DRC11: variants seen among roughly 807,000 people sequenced by gnomAD.
DRC11 encodes the protein dynein regulatory complex subunit 11, also known as IQ and AAA domain-containing protein 1.
At chr2:236,351,515 C>G in the DRC11 span, among the ~76,000 whole-genome samples, 3 of 152,160 alleles carry the variant, frequency 2.0e-5, no homozygotes, top group African/African-American at 7.2e-5. This position sits in a 1 kb window ranked among gnomAD's most constrained non-coding sequence, Gnocchi z 7.3. Context: ...GAAAAGTGCA[C>G]GGCCATGCTA....
the DRC11 span, among the ~76,000 whole-genome samples, chr2:236,399,669 C>T: frequency 5.3e-5 from 8 of 152,154 alleles, no homozygotes; most frequent in Admixed American, 1.3e-4. The surrounding 1 kb of genome is among the most constrained non-coding windows in gnomAD (Gnocchi z 7.0). Flanking sequence ...CATGGGTGGT[C>T]CAGGCTCACC....
At chr2:236,386,660 C>T in the DRC11 span, among the ~76,000 whole-genome samples, 1 of 151,830 alleles carries the variant, frequency 6.6e-6, no homozygotes, top group South Asian at 2.1e-4. Context: ...GTCTCTATTT[C>T]CTTCAGTTCT....
chr2:236,308,186 A>G, the DRC11 span, among the ~76,000 whole-genome samples: 3 of 152,268 alleles, frequency 2.0e-5, no homozygotes, highest in Admixed American at 6.5e-5. The surrounding 1 kb of genome is among the most constrained non-coding windows in gnomAD (Gnocchi z 6.0). Context: ...ATTTGCAGAC[A>G]CTGACAATTC....
the DRC11 span, among the ~76,000 whole-genome samples, chr2:236,453,957 T>C: frequency 1.3e-5 from 2 of 152,170 alleles, no homozygotes; most frequent in African/African-American, 2.4e-5. The surrounding 1 kb of genome is among the most constrained non-coding windows in gnomAD (Gnocchi z 4.9). Context: ...TTAATATTTT[T>C]AGTGGTGTCC....
the DRC11 span, among the ~76,000 whole-genome samples, chr2:236,370,777 T>C: frequency 7.4e-5 from 6 of 81,274 alleles, no homozygotes; most frequent in African/African-American, 2.8e-4. The surrounding 1 kb of genome is among the most constrained non-coding windows in gnomAD (Gnocchi z 5.5). Flanking sequence ...AGGGTGGCCA[T>C]GCAGGGGTGC....
chr2:236,429,311 T>C, the DRC11 span, among the ~76,000 whole-genome samples: 3 of 152,190 alleles, frequency 2.0e-5, no homozygotes, highest in Admixed American at 2.0e-4. The surrounding 1 kb of genome is among the most constrained non-coding windows in gnomAD (Gnocchi z 5.9). Context: ...GGCCAGCAGC[T>C]TGCATATGCA....
At chr2:236,413,829 C>G in the DRC11 span, among the ~76,000 whole-genome samples, 3 of 152,166 alleles carry the variant, frequency 2.0e-5, no homozygotes, top group African/African-American at 7.2e-5. This position sits in a 1 kb window ranked among gnomAD's most constrained non-coding sequence, Gnocchi z 4.0. Flanking sequence ...TGAAAAATAA[C>G]AGAGGAAACA....
the DRC11 span, among the ~76,000 whole-genome samples, chr2:236,353,193 T>C: frequency 4.6e-5 from 7 of 152,372 alleles, no homozygotes; most frequent in South Asian, 8.3e-4. The surrounding 1 kb of genome is among the most constrained non-coding windows in gnomAD (Gnocchi z 5.0). Flanking sequence ...TAATTCGTAA[T>C]TGAACTTTCC....
At chr2:236,390,334 CTTCACT>C in the DRC11 span, among the ~76,000 whole-genome samples, 1 of 152,202 alleles carries the variant, frequency 6.6e-6, no homozygotes, top group Non-Finnish European at 1.5e-5. This position sits in a 1 kb window ranked among gnomAD's most constrained non-coding sequence, Gnocchi z 5.9. Flanking sequence ...TTTTCCATCC[CTTCACT>C]TTCAGCCTAT....
At chr2:236,430,039 C>T in the DRC11 span, among the ~76,000 whole-genome samples, 1 of 152,124 alleles carries the variant, frequency 6.6e-6, no homozygotes, top group African/African-American at 2.4e-5. This position sits in a 1 kb window ranked among gnomAD's most constrained non-coding sequence, Gnocchi z 6.0. Flanking sequence ...TTGAGTTCCT[C>T]AGCAGGGGTC....
At chr2:236,323,795 G>T in the DRC11 span, among the ~76,000 whole-genome samples, 8 of 152,220 alleles carry the variant, frequency 5.3e-5, no homozygotes, top group African/African-American at 1.9e-4. The surrounding 1 kb of genome is among the most constrained non-coding windows in gnomAD (Gnocchi z 6.4). Flanking sequence ...CCACAATTTA[G>T]AAGTGGGTTA....
chr2:236,328,816 G>T, the DRC11 span, among the ~76,000 whole-genome samples: 1 of 152,186 alleles, frequency 6.6e-6, no homozygotes, highest in Non-Finnish European at 1.5e-5. This position sits in a 1 kb window ranked among gnomAD's most constrained non-coding sequence, Gnocchi z 6.7. Context: ...CTTTCTAGTT[G>T]TTACTTGCCT....
At chr2:236,462,399 C>T in the DRC11 span, among the ~76,000 whole-genome samples, 47 of 152,206 alleles carry the variant, frequency 3.1e-4, no homozygotes, top group Non-Finnish European at 4.3e-4. This position sits in a 1 kb window ranked among gnomAD's most constrained non-coding sequence, Gnocchi z 6.4. Context: ...GCGCCGGGTG[C>T]GGTGGCTCAT....
At chr2:236,368,354 G>T in the DRC11 span, 11 of 1,093,762 alleles carry the variant, frequency 1.0e-5, no homozygotes, top group Non-Finnish European at 1.5e-5. Context: ...GCTGGTCTGA[G>T]CTGCATAATT....
At chr2:236,472,993 GC>G in the DRC11 span, among the ~76,000 whole-genome samples, 2 of 152,132 alleles carry the variant, frequency 1.3e-5, no homozygotes, top group African/African-American at 4.8e-5. The surrounding 1 kb of genome is among the most constrained non-coding windows in gnomAD (Gnocchi z 4.6). Context: ...GTAGGGAACA[GC>G]CCTTTTGCAT....
the DRC11 span, among the ~76,000 whole-genome samples, chr2:236,365,338 TC>T: frequency 6.6e-6 from 1 of 151,940 alleles, no homozygotes; most frequent in African/African-American, 2.4e-5. The surrounding 1 kb of genome is among the most constrained non-coding windows in gnomAD (Gnocchi z 7.4). Context: ...AGGCTGGACT[TC>T]CAGGAGGAGG....
the DRC11 span, chr2:236,338,475 G>T: frequency 8.7e-7 from 1 of 1,149,800 alleles, no homozygotes; most frequent in Non-Finnish European, 1.2e-6. Context: ...AGCATCCTTT[G>T]TTAAAGTGAT....
chr2:236,451,310 A>AT, the DRC11 span, among the ~76,000 whole-genome samples: 1 of 151,994 alleles, frequency 6.6e-6, no homozygotes, highest in Non-Finnish European at 1.5e-5. Context: ...TTGTTTAAAA[A>AT]ATATATAAAA....
chr2:236,440,234 A>G, the DRC11 span, among the ~76,000 whole-genome samples: 7 of 152,218 alleles, frequency 4.6e-5, no homozygotes, highest in Non-Finnish European at 1.0e-4. Context: ...AAAGGTGTCC[A>G]TGTGAAGTAG....
Sources: allele counts gnomAD v4.1 joint callset (sites outside exome capture counted in the v4.1 genomes callset), GRCh38; gene constraint gnomAD v4.1.1; non-coding constraint Gnocchi (gnomAD v3.1); transcripts MANE v1.5; gene names NCBI Gene and HGNC (gene_info 2026-07-23, HGNC 2026-07-21).